MAGI3: variants seen among roughly 807,000 people sequenced by gnomAD.
MAGI3 encodes membrane associated guanylate kinase, WW and PDZ domain containing 3, also known as membrane-associated guanylate kinase, WW and PDZ domain-containing protein 3.
A neutral mutation model predicts 121.8 loss-of-function variants in MAGI3; 43 were observed. The ratio of observed to expected loss-of-function variants is 0.35; its 90% CI spans 0.28 to 0.46. The LOEUF (loss-of-function observed/expected upper bound fraction) is 0.46. Among genes scored for constraint, MAGI3 ranks in the 20% least tolerant of loss-of-function variants. The pLI, the probability that MAGI3 is intolerant of heterozygous loss-of-function variation, is 1.00. For missense variants in MAGI3, 1,547 were observed against 1,797.3 expected, an observed-to-expected ratio of 0.86 and a Z score of 2.52; for synonymous variants, 553 against 639.3, an observed-to-expected ratio of 0.86 and a Z score of 2.04.
At position 113,391,262 on chromosome 1, in the gene MAGI3, A is replaced by G. The variant is rs1650791414; in HGVS notation, c.229A>G (p.Thr77Ala). ...CGATGTGCTGCTGGAGGTAAACGGG[A>G]CGCCTGTCAGCGGGCTCACCAACCG... ...PGDVLLEVNG[T>A]PVSGLTNRDT... is the part of the protein sequence containing the mutation. Residue 77 changes from threonine to alanine, a missense_variant, in exon 1 of 21, where the codon ACG (threonine) becomes GCG (alanine). Physicochemically the swap from Thr to Ala is moderately conservative, Grantham distance 58 (BLOSUM62 0). Coordinates refer to ENST00000307546, the MANE Select transcript of MAGI3 (RefSeq NM_001142782.2). This position sits in a 1 kb window ranked among gnomAD's most constrained non-coding sequence, Gnocchi z 4.4. The G allele has an allele frequency of 1.3e-6, 2 of 1,584,290 alleles. No homozygotes were observed. Among genetic ancestry groups the G allele is most frequent in the South Asian group, 1.2e-5 (1 of 86,692 alleles).
At chr1:113,466,463 C>T (rs1209321983) in intron 1 of MAGI3, among the ~76,000 whole-genome samples, 1 of 151,790 alleles carries the variant, frequency 6.6e-6, no homozygotes, top group Non-Finnish European at 1.5e-5. Context: ...TTGTTGTGTC[C>T]TTATCTGTTT....
At chr1:113,563,950 G>A (rs574339039) in intron 2 of MAGI3, among the ~76,000 whole-genome samples, 37 of 152,314 alleles carry the variant, frequency 2.4e-4, no homozygotes, top group African/African-American at 6.7e-4. Flanking sequence ...CCTTGGGAGA[G>A]TCCCTCCCTT....
chr1:113,493,139 C>T (rs868760019), intron 1 of MAGI3, among the ~76,000 whole-genome samples: 17 of 152,070 alleles, frequency 1.1e-4, no homozygotes, highest in African/African-American at 3.6e-4. Context: ...GACTTAAAAC[C>T]GTACTACAGG....
At chr1:113,556,059 G>A (rs1659978511) in intron 2 of MAGI3, among the ~76,000 whole-genome samples, 1 of 152,058 alleles carries the variant, frequency 6.6e-6, no homozygotes, top group Admixed American at 6.5e-5. Context: ...AAATTTGTAG[G>A]TTGTAGCTAG....
intron 1 of MAGI3, among the ~76,000 whole-genome samples, chr1:113,514,742 A>T (rs1052955536): frequency 6.6e-6 from 1 of 152,114 alleles, no homozygotes; most frequent in African/African-American, 2.4e-5. Flanking sequence ...TAACCTGCAC[A>T]TTGTGCACAT....
At chr1:113,626,656 A>T (rs1210811710) in intron 9 of MAGI3, among the ~76,000 whole-genome samples, 2 of 151,916 alleles carry the variant, frequency 1.3e-5, no homozygotes, top group Admixed American at 1.3e-4. Context: ...CAGGTTTTAG[A>T]TTTCTTTGTG....
intron 3 of MAGI3, among the ~76,000 whole-genome samples, chr1:113,584,828 A>G (rs1179609784): frequency 6.6e-6 from 1 of 152,186 alleles, no homozygotes; most frequent in African/African-American, 2.4e-5. Context: ...CTGGCCTTAA[A>G]CAAATAGTAT....
At chr1:113,651,328 G>A in intron 14 of MAGI3, 122 bp downstream of exon 14, 1 of 852,528 alleles carries the variant, frequency 1.2e-6, no homozygotes, top group South Asian at 2.0e-5. Context: ...CCCATTTGGT[G>A]TGATCCAGGG....
chr1:113,673,852 G>A (rs1488449903), intron 19 of MAGI3, among the ~76,000 whole-genome samples: 5 of 152,140 alleles, frequency 3.3e-5, no homozygotes, highest in Non-Finnish European at 7.4e-5. Flanking sequence ...GAGGCAATAG[G>A]CCCAGGATTT....
intron 1 of MAGI3, among the ~76,000 whole-genome samples, chr1:113,443,540 G>A (rs1268993125): frequency 6.6e-6 from 1 of 152,080 alleles, no homozygotes. Flanking sequence ...TCTTTACCTT[G>A]TATAAATAAG....
chr1:113,399,765 G>A (rs1258862375), intron 1 of MAGI3, among the ~76,000 whole-genome samples: 1 of 151,956 alleles, frequency 6.6e-6, no homozygotes, highest in African/African-American at 2.4e-5. Context: ...GAATACTTTG[G>A]AAGATTAACA....
intron 9 of MAGI3, among the ~76,000 whole-genome samples, chr1:113,627,669 A>G (rs1445916414): frequency 1.3e-5 from 2 of 150,454 alleles, no homozygotes; most frequent in Non-Finnish European, 3.0e-5. Flanking sequence ...TAGTAAAGCA[A>G]GTAACACTTG....
chr1:113,566,671 A>G (rs1402948887), intron 2 of MAGI3, among the ~76,000 whole-genome samples: 1 of 152,152 alleles, frequency 6.6e-6, no homozygotes, highest in Non-Finnish European at 1.5e-5. Context: ...TTGCAAATAC[A>G]TGGAAAGTAA....
At chr1:113,623,580 C>T (rs1330481160) in intron 9 of MAGI3, among the ~76,000 whole-genome samples, 3 of 151,728 alleles carry the variant, frequency 2.0e-5, no homozygotes, top group Non-Finnish European at 4.4e-5. Context: ...CTCCGTCTCC[C>T]GGGTTCACGC....
intron 19 of MAGI3, among the ~76,000 whole-genome samples, chr1:113,673,763 C>T (rs983557308): frequency 2.6e-5 from 4 of 152,120 alleles, no homozygotes; most frequent in African/African-American, 9.7e-5. Context: ...TGAGGGTAAA[C>T]GAATTAATAA....
rs375686992 is a variant in MAGI3 at position 113,683,907 on chromosome 1, G to C, written c.4339G>C (p.Glu1447Gln). 2.2e-5 allele frequency: 35 copies of C among 1,611,772 alleles called. No individual in the cohort carries two copies. In the African/African-American group the frequency reaches 4.3e-4, roughly 20 times the overall value. Residue 1447 changes from glutamate to glutamine, a missense_variant, in exon 21 of 21, where the codon GAA (glutamate) becomes CAA (glutamine). Glu to Gln is a conservative substitution (Grantham distance 29). Transcript: ENST00000307546. The part of the protein sequence containing the change: ...KNKETGRFKP[E>Q]SSSPVKKTLI... ...CAAAGAGACTGGAAGGTTCAAACCG[G>C]AAAGCAGTTCTCCAGTTAAGAAAAC...
intron 2 of MAGI3, among the ~76,000 whole-genome samples, chr1:113,560,901 A>G (rs963953061): frequency 6.6e-6 from 1 of 152,218 alleles, no homozygotes; most frequent in African/African-American, 2.4e-5. Context: ...AGAAGATTCA[A>G]ATAAACACAA....
chr1:113,682,083 G>T, intron 20 of MAGI3: 2 of 877,074 alleles, frequency 2.3e-6, no homozygotes, highest in South Asian at 1.9e-5. Context: ...TCCAGCTTAT[G>T]ATTCTCTGAC....
At chr1:113,606,578 C>G (rs1016728706) in intron 6 of MAGI3, among the ~76,000 whole-genome samples, 1 of 152,142 alleles carries the variant, frequency 6.6e-6, no homozygotes, top group Admixed American at 6.5e-5. Context: ...ATCAAAATCT[C>G]TAGTATTGTC....
Sources: gnomAD v4.1 joint callset for allele counts (sites outside exome capture counted in the v4.1 genomes callset) on GRCh38, gnomAD v4.1.1 for gene constraint, Gnocchi (gnomAD v3.1) non-coding constraint, MANE v1.5 for transcripts, NCBI Gene and HGNC (gene_info 2026-07-23, HGNC 2026-07-21) for gene names.